Variants in CUX1 observed in about 807,000 individuals in gnomAD.
The protein encoded by CUX1 is protein CASP.
Under a neutral mutation model 158.8 loss-of-function variants are expected in CUX1, and 31 were observed. The ratio of observed to expected loss-of-function variants is 0.20; its 90% CI spans 0.15 to 0.26. The LOEUF is 0.26. CUX1 is among the 10% of genes least tolerant of loss of function. The pLI is 1.00. For synonymous variants in CUX1, 879 were observed against 862.1 expected (o/e 1.02, Z -0.34); for missense variants, 1,589 against 2,014.6 (o/e 0.79, Z 4.04).
intron 2 of CUX1, among the ~76,000 whole-genome samples, chr7:101,987,128 CTG>C (rs1293559107): frequency 1.3e-5 from 2 of 152,200 alleles, no homozygotes; most frequent in Non-Finnish European, 2.9e-5. Context: ...AATGAGGCAC[CTG>C]CATGGGTAGC....
intron 3 of CUX1, among the ~76,000 whole-genome samples, chr7:102,034,431 A>G (rs1166738058): frequency 1.3e-5 from 2 of 152,042 alleles, no homozygotes; most frequent in African/African-American, 4.8e-5. Context: ...ACCAGCCTGG[A>G]CAATGTGGTG....
At chr7:102,140,226 G>T (rs555247739) in intron 8 of CUX1, among the ~76,000 whole-genome samples, 1 of 152,060 alleles carries the variant, frequency 6.6e-6, no homozygotes, top group Admixed American at 6.6e-5. Context: ...ACCTATGTGG[G>T]TTTGTTTTTT....
intron 3 of CUX1, among the ~76,000 whole-genome samples, chr7:102,051,654 C>CCAAAAA (rs1376742265): frequency 2.2e-5 from 2 of 89,750 alleles, no homozygotes; most frequent in African/African-American, 8.0e-5. Context: ...GACTCTGTCT[C>CCAAAAA]AAAAAAAAAA....
intron 1 of CUX1, among the ~76,000 whole-genome samples, chr7:101,904,119 C>A (rs1802480555): frequency 7.1e-6 from 1 of 141,444 alleles, no homozygotes; most frequent in Admixed American, 6.9e-5. Context: ...CTTTACAAAA[C>A]ACACACACAC....
intron 1 of CUX1, among the ~76,000 whole-genome samples, chr7:101,873,178 C>CTTTTTTTTTTTTT (rs35246188): frequency 1.8e-4 from 22 of 119,618 alleles, no homozygotes; most frequent in Non-Finnish European, 2.9e-4. Flanking sequence ...GCCTCAGCTT[C>CTTTTTTTTTTTTT]TTTTTTTTTT....
intron 2 of CUX1, among the ~76,000 whole-genome samples, chr7:101,923,053 A>G (rs1364147210): frequency 6.6e-6 from 1 of 152,192 alleles, no homozygotes; most frequent in African/African-American, 2.4e-5. Context: ...GTGTGATTCC[A>G]GAGTTCTTCT....
intron 8 of CUX1, among the ~76,000 whole-genome samples, chr7:102,152,005 A>G (rs782137361): frequency 9.9e-5 from 15 of 152,160 alleles, no homozygotes; most frequent in Admixed American, 2.6e-4. Flanking sequence ...CCATGAGTTC[A>G]AGACCAGCCT....
intron 2 of CUX1, among the ~76,000 whole-genome samples, chr7:101,941,737 A>G (rs1807741498): frequency 6.6e-6 from 1 of 152,140 alleles, no homozygotes; most frequent in African/African-American, 2.4e-5. Flanking sequence ...GCTTTATGAT[A>G]TTAACTAGTC....
At chr7:101,980,681 CCTT>C (rs1268613941) in intron 2 of CUX1, among the ~76,000 whole-genome samples, 16 of 152,266 alleles carry the variant, frequency 1.1e-4, no homozygotes, top group African/African-American at 3.6e-4. Context: ...ACATAAACCA[CCTT>C]CTTCTGCTCT....
intron 2 of CUX1, among the ~76,000 whole-genome samples, chr7:101,982,867 C>A (rs549494528): frequency 4.6e-5 from 6 of 130,472 alleles, no homozygotes; most frequent in African/African-American, 1.7e-4. Flanking sequence ...GCTATCCCTC[C>A]CCCCTCCCCC....
At chr7:102,178,716 AC>A in intron 11 of CUX1, 59 bp downstream of exon 11, 1 of 1,499,584 alleles carries the variant, frequency 6.7e-7, no homozygotes, top group South Asian at 1.3e-5. Context: ...GGCTGGACAC[AC>A]GCGCACACAC....
At chr7:102,184,751 A>C (rs1793465169) in intron 11 of CUX1, among the ~76,000 whole-genome samples, 1 of 152,108 alleles carries the variant, frequency 6.6e-6, no homozygotes, top group South Asian at 2.1e-4. Context: ...GGCTCAAGTG[A>C]TCCTCCCACT....
chr7:102,097,072 G>A (rs578211523), intron 4 of CUX1, among the ~76,000 whole-genome samples: 1 of 152,348 alleles, frequency 6.6e-6, no homozygotes, highest in Admixed American at 6.5e-5. Flanking sequence ...ATCAAAGAAT[G>A]AAAATCATGA....
chr7:101,893,791 C>G (rs185221662), intron 1 of CUX1, among the ~76,000 whole-genome samples: 1 of 152,306 alleles, frequency 6.6e-6, no homozygotes, highest in East Asian at 1.9e-4. Context: ...GCATCTCATG[C>G]AGATAATTTC....
intron 3 of CUX1, among the ~76,000 whole-genome samples, chr7:102,039,291 C>T (rs115275324): frequency 0.01 from 1,524 of 152,238 alleles, 28 homozygotes; most frequent in African/African-American, 0.035. Flanking sequence ...ATCCTGGGGC[C>T]GTCTGGCATC....
chr7:102,117,189 G>GGT (rs1366540743), intron 8 of CUX1, among the ~76,000 whole-genome samples: 1 of 152,090 alleles, frequency 6.6e-6, no homozygotes, highest in Admixed American at 6.5e-5. Flanking sequence ...CCTGAGGTCA[G>GGT]GTGTTCGAGA....
At chr7:102,260,500 G>C (rs1254911302), downstream of CUX1, among the ~76,000 whole-genome samples, 2 of 148,260 alleles carry the variant, frequency 1.3e-5, no homozygotes, top group African/African-American at 5.0e-5. Context: ...TCCACCGCCT[G>C]GGTTCAGGCG....
chr7:101,961,343 A>C (rs1810467254), intron 2 of CUX1: 1 of 152,174 alleles, frequency 6.6e-6, no homozygotes, highest in Non-Finnish European at 1.5e-5. Context: ...TGCACATGAA[A>C]ATGCCCTATA....
chr7:102,115,237 A>T lies in CUX1; in HGVS notation c.638A>T (p.Asp213Val), dbSNP rs1554491422. 3 of 1,610,382 alleles carry T rather than the reference A, an allele frequency of 1.9e-6. No individual in the cohort carries two copies. The South Asian group carries it at 3.3e-5, about 18-fold the overall frequency. ...GAAAAAACTCGAACAGAATTATTTGACCTGAAAACCAAATACGATGAAGAA... is the reference window on the plus strand; with the variant it reads ...GAAAAAACTCGAACAGAATTATTTGTCCTGAAAACCAAATACGATGAAGAA... ...ALEKTRTELF[D>V]LKTKYDEETT... The change falls in exon 8 of 24, where the codon GAC becomes GTC. Residue 213 changes from aspartate to valine, a missense_variant. By Grantham distance (152) the Asp-to-Val change is radical. Around this residue, in one of 8 missense-constraint regions of CUX1, gnomAD observed 515 missense variants for 574.4 expected, o/e 0.90. Coordinates refer to ENST00000292535, the MANE Select transcript of CUX1 (RefSeq NM_181552.4).
Sources: allele counts gnomAD v4.1 joint callset (sites outside exome capture counted in the v4.1 genomes callset), GRCh38; gene constraint gnomAD v4.1.1; regional missense constraint gnomAD v4.1.1; transcripts MANE v1.5; gene names NCBI Gene and HGNC (gene_info 2026-07-23, HGNC 2026-07-21).